SGCZ: variants seen among roughly 807,000 people sequenced by gnomAD.
SGCZ encodes the protein zeta-sarcoglycan.
In SGCZ, 40 loss-of-function variants were observed where a neutral mutation model predicts 41.3. That is an observed-to-expected ratio of 0.97 (90% CI 0.75 to 1.26). SGCZ has a LOEUF of 1.26. SGCZ is among the 50% of genes most tolerant of loss of function. The probability of loss-of-function intolerance (pLI) is 0.00; values close to 1 mark genes in which losing one functional copy is unlikely to be tolerated. For synonymous variants in SGCZ, 206 were observed against 137.5 expected (o/e 1.50, Z -3.49); for missense variants, 552 against 369.8 (o/e 1.49, Z -4.04).
At chr8:15,171,422 A>G (rs1011151070) in intron 1 of SGCZ, among the ~76,000 whole-genome samples, 1 of 152,190 alleles carries the variant, frequency 6.6e-6, no homozygotes, top group Admixed American at 6.5e-5. Context: ...TAATTTTATC[A>G]GGCACAGGAA....
Position 14,769,240 on chromosome 8 carries a change from T to C in SGCZ, c.40-214314A>G, listed in dbSNP as rs926681323. On this transcript the variant is annotated intron_variant, in intron 1 of 7. Transcript: ENST00000382080. ...TGATGTGAATAAAAAATAATGAGAA[T>C]AATAATGAATGTTCCTGTGTATATT... Among the ~76,000 whole-genome samples, 13 of 151,978 alleles carry C rather than the reference T, an allele frequency of 8.6e-5. No individual in the cohort carries two copies. The South Asian group carries it at 2.3e-3, about 27-fold the overall frequency.
chr8:14,099,073 G>T (rs958923025), intron 7 of SGCZ, among the ~76,000 whole-genome samples: 1 of 152,118 alleles, frequency 6.6e-6, no homozygotes. Context: ...GGAGTACTTA[G>T]AGAAAATGAT....
intron 1 of SGCZ, among the ~76,000 whole-genome samples, chr8:15,176,832 T>C (rs1176149874): frequency 6.6e-6 from 1 of 152,094 alleles, no homozygotes; most frequent in East Asian, 1.9e-4. Flanking sequence ...AAACCCCATC[T>C]CTACTAAAAA....
chr8:14,187,696 CT>C (rs1804951052), intron 4 of SGCZ, among the ~76,000 whole-genome samples: 1 of 151,910 alleles, frequency 6.6e-6, no homozygotes, highest in South Asian at 2.1e-4. Flanking sequence ...AAAATGACAA[CT>C]GCAGGACACC....
chr8:14,208,605 G>C (rs1805694178), intron 4 of SGCZ, among the ~76,000 whole-genome samples: 1 of 152,010 alleles, frequency 6.6e-6, no homozygotes, highest in South Asian at 2.1e-4. Flanking sequence ...AATTATAATA[G>C]AATCAGACAT....
At chr8:14,463,236 G>T (rs1352359946) in intron 2 of SGCZ, among the ~76,000 whole-genome samples, 1 of 150,992 alleles carries the variant, frequency 6.6e-6, no homozygotes. Context: ...AATCTCATGA[G>T]AGCTCAAATA....
At chr8:14,905,962 GAT>G (rs931044330) in intron 1 of SGCZ, among the ~76,000 whole-genome samples, 9 of 152,082 alleles carry the variant, frequency 5.9e-5, no homozygotes, top group African/African-American at 2.2e-4. Flanking sequence ...CTATGAGGAA[GAT>G]ATAGTGTTAG....
Position 14,378,428 on chromosome 8 carries a change from T to C in SGCZ, c.235-54224A>G, listed in dbSNP as rs140259502. 7.2e-5 allele frequency among the ~76,000 whole-genome samples: 11 copies of C among 152,142 alleles called. No individual in the cohort carries two copies. The South Asian group carries it at 1.9e-3, about 26-fold the overall frequency. ...GGCAACAAAAGCCACAATTGACAAATGGGATCTAATTAAACTTAAGAGCTT... is the reference window on the plus strand; with the variant it reads ...GGCAACAAAAGCCACAATTGACAAACGGGATCTAATTAAACTTAAGAGCTT... On this transcript the variant is annotated intron_variant, in intron 2 of 7. Coordinates refer to ENST00000382080, the MANE Select transcript of SGCZ (RefSeq NM_139167.4).
chr8:15,089,978 A>T (rs375720005), intron 1 of SGCZ, among the ~76,000 whole-genome samples: 1 of 152,238 alleles, frequency 6.6e-6, no homozygotes, highest in South Asian at 2.1e-4. Context: ...CGGTTATCAG[A>T]TCATCTAAAT....
At position 14,176,257 on chromosome 8, in the gene SGCZ, G is replaced by T. The variant is rs1804538702; in HGVS notation, c.425-11555C>A. On this transcript the variant is annotated intron_variant, in intron 4 of 7. Transcript: ENST00000382080. Reference sequence around the variant, plus strand: ...TTCAACTGAATATTTTACAAGGCAGGTTATAATTCTGGCATAATGCAAATT... The same window carrying T: ...TTCAACTGAATATTTTACAAGGCAGTTTATAATTCTGGCATAATGCAAATT... 3.9e-5 allele frequency among the ~76,000 whole-genome samples: 6 copies of T among 152,250 alleles called. No individual in the cohort carries two copies. In the South Asian group the frequency reaches 1.2e-3, roughly 32 times the overall value.
intron 1 of SGCZ, among the ~76,000 whole-genome samples, chr8:14,902,363 C>T (rs900455456): frequency 7.9e-5 from 12 of 152,110 alleles, no homozygotes; most frequent in African/African-American, 2.9e-4. Context: ...ATCATTTTGA[C>T]CCCTGCGACT....
In SGCZ at chr8:14,086,166, A is replaced by G. The variant is rs1324865987; in HGVS notation, c.*4277T>C. Among the ~76,000 whole-genome samples, 1 of 151,712 alleles carries G rather than the reference A, an allele frequency of 6.6e-6. No homozygotes were observed. The highest frequency in any genetic ancestry group is 6.6e-5 in the Admixed American group (1 of 15,164). ...CTCTTATTAGACCACAGCTATTTGA[A>G]GAATTAGGTGACAAGACCTCACTCA... On this transcript the variant is annotated 3_prime_UTR_variant, in exon 8 of 8. Coordinates refer to ENST00000382080, the MANE Select transcript of SGCZ (RefSeq NM_139167.4).
chr8:14,491,337 A>C lies in SGCZ; in HGVS notation c.234+63395T>G, dbSNP rs1355843605. 2.6e-5 allele frequency among the ~76,000 whole-genome samples: 4 copies of C among 151,906 alleles called. No individual in the cohort carries two copies. The South Asian group carries it at 8.3e-4, about 32-fold the overall frequency. Reference sequence around the variant, plus strand: ...CATAAAATACTCTACAGGCAAAAACATCACACATCAGGGATCTCTCAGTGT... The same window carrying C: ...CATAAAATACTCTACAGGCAAAAACCTCACACATCAGGGATCTCTCAGTGT... On this transcript the variant is annotated intron_variant, in intron 2 of 7. Coordinates refer to ENST00000382080, the MANE Select transcript of SGCZ (RefSeq NM_139167.4).
chr8:14,156,961 A>G (rs1049211713), intron 5 of SGCZ, among the ~76,000 whole-genome samples: 1 of 152,192 alleles, frequency 6.6e-6, no homozygotes, highest in Non-Finnish European at 1.5e-5. Flanking sequence ...AGTATAATCT[A>G]AAATAATGAT....
At chr8:15,215,627 G>A (rs1419339274) in intron 1 of SGCZ, among the ~76,000 whole-genome samples, 1 of 152,162 alleles carries the variant, frequency 6.6e-6, no homozygotes, top group South Asian at 2.1e-4. Context: ...AAGGGGAGAA[G>A]TAAATACAAT....
intron 1 of SGCZ, among the ~76,000 whole-genome samples, chr8:14,754,637 G>A (rs73199266): frequency 8.5e-4 from 129 of 152,252 alleles, no homozygotes; most frequent in Non-Finnish European, 1.6e-3. Context: ...TTCTATAATT[G>A]CAGAATAAAT....
chr8:14,800,476 T>A (rs1801286925), intron 1 of SGCZ, among the ~76,000 whole-genome samples: 1 of 152,210 alleles, frequency 6.6e-6, no homozygotes, highest in Non-Finnish European at 1.5e-5. Context: ...ATGGTTTGGC[T>A]GCATATCCAC....
At chr8:14,775,482 T>A (rs1321883807) in intron 1 of SGCZ, among the ~76,000 whole-genome samples, 4 of 151,826 alleles carry the variant, frequency 2.6e-5, no homozygotes, top group African/African-American at 9.7e-5. Context: ...TGTGTGTGTG[T>A]GTGTGTGTGT....
intron 1 of SGCZ, among the ~76,000 whole-genome samples, chr8:14,755,480 A>G (rs753211452): frequency 6.6e-6 from 1 of 152,180 alleles, no homozygotes; most frequent in Non-Finnish European, 1.5e-5. Flanking sequence ...CGATAAGGAA[A>G]TACAAAGGAG....
Sources: gnomAD v4.1 joint callset for allele counts (sites outside exome capture counted in the v4.1 genomes callset) on GRCh38, gnomAD v4.1.1 for gene constraint, MANE v1.5 for transcripts, NCBI Gene and HGNC (gene_info 2026-07-23, HGNC 2026-07-21) for gene names.